The following MLPH variants were observed in gnomAD, a reference collection of about 807,000 sequenced individuals.
MLPH encodes the protein melanophilin.
Under a neutral mutation model 72.1 loss-of-function variants are expected in MLPH, and 51 were observed. That is an observed-to-expected ratio of 0.71 (90% CI 0.56 to 0.89). The LOEUF (loss-of-function observed/expected upper bound fraction) is 0.89, where lower values mean the gene tolerates loss of function less well. Ranked by LOEUF, MLPH falls within the 40% of genes least tolerant of loss-of-function variation. The pLI, the probability that MLPH is intolerant of heterozygous loss-of-function variation, is 0.00. For synonymous variants in MLPH, 301 were observed against 310.1 expected (o/e 0.97, Z 0.31); for missense variants, 743 against 759.9 (o/e 0.98, Z 0.26).
chr2:237,527,827 C>A, intron 8 of MLPH: 1 of 427,584 alleles, frequency 2.3e-6, no homozygotes, highest in Non-Finnish European at 4.3e-6. Context: ...ATATTTGCAA[C>A]CCCGTATCCA....
chr2:237,521,630 G>T (rs13392410), intron 6 of MLPH, among the ~76,000 whole-genome samples: 1 of 152,092 alleles, frequency 6.6e-6, no homozygotes, highest in Non-Finnish European at 1.5e-5. Flanking sequence ...ATTGCTGTGA[G>T]TATGGTAGTA....
intron 12 of MLPH, chr2:237,545,644 A>C (rs1009596944): frequency 4.7e-6 from 6 of 1,276,310 alleles, no homozygotes; most frequent in Non-Finnish European, 5.1e-6. Flanking sequence ...GGAGCTGCTC[A>C]CGTCAGGCCA....
intron 7 of MLPH, 28 bp from the exon 8 acceptor site, chr2:237,527,349 G>A: frequency 6.2e-7 from 1 of 1,614,118 alleles, no homozygotes; most frequent in South Asian, 1.1e-5. Context: ...TTCACTGCAA[G>A]TAATTCAAAC....
chr2:237,542,542 C>A (rs754109510), intron 11 of MLPH, 25 bp from the exon 12 acceptor site: 1 of 1,559,600 alleles, frequency 6.4e-7, no homozygotes, highest in Non-Finnish European at 8.7e-7. Flanking sequence ...GTCTGACGGG[C>A]CTTCTGTCTG....
rs369873696 is a variant in MLPH, at chr2:237,511,267, CT to C, written c.445+183del. 169,441 of 465,498 alleles carry C rather than the reference CT, an allele frequency of 0.36. 6,168 individuals are homozygous for C. Among genetic ancestry groups the C allele is most frequent in the African/African-American group, 0.5 (22,934 of 45,668 alleles). 28.8% of individuals were successfully genotyped at this position (465,498 alleles called of 1,614,324 possible). On this transcript the variant is annotated intron_variant, in intron 4 of 15. Coordinates refer to ENST00000264605, the MANE Select transcript of MLPH (RefSeq NM_024101.7). ...CTCTGTGAATTCCTGCTTCTGGCTG[CT>C]TTTTTTTTTTTTTTTTAATTTTTGT...
intron 4 of MLPH, chr2:237,518,277 C>A: frequency 7.1e-6 from 4 of 560,418 alleles, no homozygotes; most frequent in Non-Finnish European, 1.3e-5. Flanking sequence ...ATGGGCTGCC[C>A]ATTGAGTAGG....
chr2:237,495,703 C>A (rs1156841341), intron 2 of MLPH, among the ~76,000 whole-genome samples: 3 of 152,158 alleles, frequency 2.0e-5, no homozygotes, highest in East Asian at 1.9e-4. Context: ...CCACCAGTCA[C>A]CCCTGGATTT....
chr2:237,539,397 G>A (rs1213757285), intron 9 of MLPH, among the ~76,000 whole-genome samples: 1 of 152,238 alleles, frequency 6.6e-6, no homozygotes, highest in Non-Finnish European at 1.5e-5. Context: ...AAGGTTCTTG[G>A]CCTAAGCGAG....
intron 1 of MLPH, among the ~76,000 whole-genome samples, chr2:237,491,982 A>G (rs1167964696): frequency 6.6e-6 from 1 of 152,180 alleles, no homozygotes; most frequent in Non-Finnish European, 1.5e-5. Context: ...GGGTCTGAGG[A>G]CAACAGCATG....
intron 13 of MLPH, among the ~76,000 whole-genome samples, chr2:237,548,120 G>A (rs148403627): frequency 6.6e-6 from 1 of 152,206 alleles, no homozygotes; most frequent in Non-Finnish European, 1.5e-5. Flanking sequence ...CAAACCAGCC[G>A]GCTCAGGGCA....
intron 2 of MLPH, among the ~76,000 whole-genome samples, chr2:237,497,395 T>A (rs1281002896): frequency 6.6e-6 from 1 of 152,174 alleles, no homozygotes; most frequent in Non-Finnish European, 1.5e-5. Flanking sequence ...GCCCTATTGG[T>A]TAAATATGTC....
chr2:237,542,557 C>A lies in MLPH; in HGVS notation c.1447-10C>A. ...GTCTGACGGGCCTTCTGTCTGCTGT[C>A]CTCTCGCAGGTTTCAGACATTGAAT... On this transcript the variant is annotated splice_polypyrimidine_tract_variant and intron_variant, in intron 11 of 15. Coordinates refer to ENST00000264605, the MANE Select transcript of MLPH (RefSeq NM_024101.7). 1 of 1,589,336 alleles carries A rather than the reference C, an allele frequency of 6.3e-7. No homozygotes were observed. The highest frequency in any genetic ancestry group is 8.6e-7 in the Non-Finnish European group (1 of 1,167,790).
intron 8 of MLPH, among the ~76,000 whole-genome samples, chr2:237,533,879 A>G (rs778337952): frequency 4.4e-4 from 67 of 152,238 alleles, no homozygotes; most frequent in Non-Finnish European, 8.1e-4. Flanking sequence ...TGATTCAACT[A>G]ATTACCGACC....
chr2:237,534,688 C>T (rs2080496429), intron 9 of MLPH, 41 bp downstream of exon 9: 2 of 1,503,824 alleles, frequency 1.3e-6, no homozygotes, highest in African/African-American at 1.4e-5. Flanking sequence ...GCCCCCACAG[C>T]TCCTTAGTTA....
At chr2:237,489,794 C>A (rs964756763) in intron 1 of MLPH, among the ~76,000 whole-genome samples, 1 of 152,160 alleles carries the variant, frequency 6.6e-6, no homozygotes, top group Admixed American at 6.5e-5. Context: ...CCAGGAGGAA[C>A]CCCCACCCTG....
intron 1 of MLPH, among the ~76,000 whole-genome samples, chr2:237,491,455 C>G (rs1201732835): frequency 6.6e-6 from 1 of 152,250 alleles, no homozygotes; most frequent in Admixed American, 6.5e-5. Flanking sequence ...GAGGGCTTCC[C>G]TGGCACAGCC....
At chr2:237,509,971 T>C (rs1431419884) in intron 2 of MLPH, 1 of 155,674 alleles carries the variant, frequency 6.4e-6, no homozygotes. Flanking sequence ...AAAAGAAATG[T>C]GTTCATTATC....
At chr2:237,504,910 C>T (rs553316578) in intron 2 of MLPH, among the ~76,000 whole-genome samples, 1 of 152,188 alleles carries the variant, frequency 6.6e-6, no homozygotes, top group Non-Finnish European at 1.5e-5. Flanking sequence ...CTTTTATTTC[C>T]CATCTGCTCC....
chr2:237,546,748 C>A, intron 13 of MLPH, 65 bp downstream of exon 13: 1 of 1,395,570 alleles, frequency 7.2e-7, no homozygotes, highest in African/African-American at 1.4e-5. Flanking sequence ...CCCTTTCCAG[C>A]AGTGTGGCAA....
Sources: gnomAD v4.1 joint callset for allele counts (sites outside exome capture counted in the v4.1 genomes callset) on GRCh38, gnomAD v4.1.1 for gene constraint, MANE v1.5 for transcripts, NCBI Gene and HGNC (gene_info 2026-07-23, HGNC 2026-07-21) for gene names.